PRUNE2: variants seen among roughly 807,000 people sequenced by gnomAD.
The protein encoded by PRUNE2 is prune homolog 2 with BCH domain, also known as protein prune homolog 2.
Under a neutral mutation model 252.0 loss-of-function variants are expected in PRUNE2, and 164 were observed. The observed-to-expected ratio is 0.65, with a 90% CI of 0.57 to 0.74. The LOEUF is 0.74. PRUNE2 is among the 30% of genes least tolerant of loss of function. The pLI is 0.00. For missense variants in PRUNE2, 3,495 were observed against 3,711.0 expected, an observed-to-expected ratio of 0.94 and a Z score of 1.51; for synonymous variants, 1,292 against 1,350.2, an observed-to-expected ratio of 0.96 and a Z score of 0.94.
chr9:76,638,783 G>A (rs1400959297), intron 12 of PRUNE2, among the ~76,000 whole-genome samples: 2 of 152,174 alleles, frequency 1.3e-5, no homozygotes, highest in East Asian at 1.9e-4. Flanking sequence ...CCACTGAAGT[G>A]CAACATAATC....
chr9:76,813,745 C>G (rs6560544), intron 6 of PRUNE2, among the ~76,000 whole-genome samples: 1 of 151,894 alleles, frequency 6.6e-6, no homozygotes, highest in Non-Finnish European at 1.5e-5. Context: ...ATTGGTCTTA[C>G]GAAATTTACA....
rs1334886392 is a variant in PRUNE2, at chr9:76,854,184, C to T, written c.61G>A (p.Val21Ile). The T allele has an allele frequency of 6.3e-7, 1 of 1,599,034 alleles. No homozygotes were observed. Among genetic ancestry groups the T allele is most frequent in the Middle Eastern group, 1.7e-4 (1 of 6,030 alleles). ...GATTTAGGCCCAATAACCACATGGA[C>T]CTTCTCCAAGCGTTTGCTTCGATTC... ...KLNRSKRLEK[V>I]HVVIGPKSCD... Residue 21 changes from valine (V) to isoleucine (I), a missense_variant, in exon 2 of 19, where the codon GTC (valine) becomes ATC (isoleucine). By Grantham distance (29) the Val-to-Ile change is conservative. Transcript: ENST00000376718.
At chr9:76,622,695 C>CA (rs2132065775) in intron 17 of PRUNE2, among the ~76,000 whole-genome samples, 1 of 152,308 alleles carries the variant, frequency 6.6e-6, no homozygotes, top group East Asian at 1.9e-4. Context: ...CACCAACACT[C>CA]AGTTCCTTGA....
intron 6 of PRUNE2, among the ~76,000 whole-genome samples, chr9:76,764,239 A>C (rs1445377422): frequency 6.9e-6 from 1 of 143,974 alleles, no homozygotes; most frequent in Non-Finnish European, 1.6e-5. Flanking sequence ...CAAACAAACA[A>C]ATAAATAAAT....
At chr9:76,805,709 C>A (rs1240678715) in intron 6 of PRUNE2, among the ~76,000 whole-genome samples, 1 of 152,232 alleles carries the variant, frequency 6.6e-6, no homozygotes, top group Non-Finnish European at 1.5e-5. Context: ...GTGTCCACAG[C>A]TGGCTAATTT....
intron 15 of PRUNE2, among the ~76,000 whole-genome samples, chr9:76,630,771 C>T (rs1365675140): frequency 6.6e-6 from 1 of 152,222 alleles, no homozygotes; most frequent in African/African-American, 2.4e-5. Flanking sequence ...TGTGATCTGC[C>T]CGCCTCAGCC....
chr9:76,843,600 T>A (rs61374672), intron 4 of PRUNE2, among the ~76,000 whole-genome samples: 1 of 152,112 alleles, frequency 6.6e-6, no homozygotes, highest in African/African-American at 2.4e-5. Context: ...ATGAAAATAA[T>A]GCTAAAGTTA....
Position 76,624,465 on chromosome 9 carries a change from A to T in PRUNE2, c.9175T>A (p.Ser3059Thr). Reference protein sequence around the residue: ...IKLDEELREASEAAKTSCLYN... With the variant: ...IKLDEELREATEAAKTSCLYN... The stretch of plus-strand genomic sequence containing the variant: ...ACCAAGTCTTACTTAGCTGCCTCTG[A>T]TGCTTCCCTCAGTTCTTCATCCAGT... Residue 3059 changes from serine (S) to threonine (T), a missense_variant, in exon 17 of 19, where the codon TCA becomes ACA. Coordinates refer to ENST00000376718, the MANE Select transcript of PRUNE2 (RefSeq NM_015225.3). 7.0e-7 allele frequency: 1 copy of T among 1,430,356 alleles called. No individual in the cohort carries two copies. Among genetic ancestry groups the T allele is most frequent in the Non-Finnish European group, 9.2e-7 (1 of 1,087,200 alleles). 88.6% of individuals were successfully genotyped at this position (1,430,356 alleles called of 1,614,324 possible). A position where few individuals can be genotyped will look rare whatever the true frequency, so the allele number is the denominator to read the frequency against.
intron 1 of PRUNE2, among the ~76,000 whole-genome samples, chr9:76,865,268 G>T (rs976881922): frequency 6.6e-6 from 1 of 152,184 alleles, no homozygotes; most frequent in African/African-American, 2.4e-5. Context: ...TGAGGCAGGA[G>T]GACTGCTTGA....
chr9:76,803,693 T>C (rs951667143), intron 6 of PRUNE2, among the ~76,000 whole-genome samples: 2 of 152,290 alleles, frequency 1.3e-5, no homozygotes, highest in African/African-American at 2.4e-5. Flanking sequence ...TCCCCACCTG[T>C]TCCTTCTATC....
chr9:76,837,795 G>A (rs1035961309), intron 4 of PRUNE2, among the ~76,000 whole-genome samples: 40 of 146,978 alleles, frequency 2.7e-4, no homozygotes, highest in East Asian at 2.0e-3. Context: ...TTTTTGAGAC[G>A]GAGTCTTGCT....
chr9:76,691,871 T>C (rs786597), intron 9 of PRUNE2: 309,195 of 564,318 alleles, frequency 0.55, 87,675 homozygotes, highest in Middle Eastern at 0.68. Flanking sequence ...CAAGCTTTTC[T>C]AGGATGAGTG....
intron 6 of PRUNE2, among the ~76,000 whole-genome samples, chr9:76,769,878 T>C (rs934290857): frequency 4.6e-5 from 7 of 152,136 alleles, no homozygotes; most frequent in African/African-American, 1.4e-4. Context: ...CATTCTGTCA[T>C]AGTTTCTCAA....
chr9:76,801,732 A>G (rs2056571241), intron 6 of PRUNE2, among the ~76,000 whole-genome samples: 1 of 152,170 alleles, frequency 6.6e-6, no homozygotes, highest in African/African-American at 2.4e-5. Flanking sequence ...TATTTTCTAT[A>G]ATGGTAAATG....
intron 6 of PRUNE2, among the ~76,000 whole-genome samples, chr9:76,812,928 T>A (rs75614632): frequency 6.6e-6 from 1 of 152,348 alleles, no homozygotes; most frequent in East Asian, 1.9e-4. Flanking sequence ...TTAAATTACA[T>A]AATTTGTGTT....
intron 6 of PRUNE2, among the ~76,000 whole-genome samples, chr9:76,746,813 T>C (rs975554290): frequency 2.8e-5 from 4 of 144,532 alleles, no homozygotes; most frequent in African/African-American, 1.0e-4. Flanking sequence ...GTTGCATGGG[T>C]GGAGGCTCAT....
intron 1 of PRUNE2, among the ~76,000 whole-genome samples, chr9:76,893,831 G>C (rs1402027113): frequency 6.6e-6 from 1 of 152,200 alleles, no homozygotes; most frequent in Admixed American, 6.5e-5. Context: ...GTTTTCTGGA[G>C]ACTGGAGCCA....
At chr9:76,789,483 A>AGGGGGCTCCAATGTG (rs2061450161) in intron 6 of PRUNE2, among the ~76,000 whole-genome samples, 1 of 152,178 alleles carries the variant, frequency 6.6e-6, no homozygotes, top group South Asian at 2.1e-4. Flanking sequence ...CTGTTACTCT[A>AGGGGGCTCCAATGTG]GGGGGCTCCA....
chr9:76,736,235 C>G (rs963088448), intron 6 of PRUNE2, among the ~76,000 whole-genome samples: 2 of 151,684 alleles, frequency 1.3e-5, no homozygotes, highest in Non-Finnish European at 2.9e-5. Context: ...TGGTGGTATG[C>G]TTTCAAGAGA....
Sources: allele counts gnomAD v4.1 joint callset (sites outside exome capture counted in the v4.1 genomes callset), GRCh38; gene constraint gnomAD v4.1.1; transcripts MANE v1.5; gene names NCBI Gene and HGNC (gene_info 2026-07-23, HGNC 2026-07-21).